The following DCC variants were observed in gnomAD, a reference collection of about 807,000 sequenced individuals.
DCC encodes the protein netrin receptor DCC.
In DCC, 58 loss-of-function variants were observed where a neutral mutation model predicts 172.5. The observed-to-expected ratio is 0.34, with a 90% CI of 0.27 to 0.42. The LOEUF is 0.42. DCC is among the 10% of genes least tolerant of loss of function. The pLI is 1.00. For synonymous variants in DCC, 709 were observed against 644.5 expected (o/e 1.10, Z -1.52); for missense variants, 1,740 against 1,791.0 (o/e 0.97, Z 0.51).
intron 2 of DCC, among the ~76,000 whole-genome samples, chr18:52,803,980 T>C (rs548360886): frequency 6.6e-6 from 1 of 152,162 alleles, no homozygotes; most frequent in Non-Finnish European, 1.5e-5. Flanking sequence ...GGCACCAGCA[T>C]GGTGGTGGTG....
intron 5 of DCC, among the ~76,000 whole-genome samples, chr18:53,044,257 CT>C (rs1436596582): frequency 6.6e-6 from 1 of 150,974 alleles, no homozygotes; most frequent in East Asian, 1.9e-4. Flanking sequence ...AAGATAGTCT[CT>C]TTTTTGGTTT....
At chr18:52,597,412 C>T (rs1045381687) in intron 1 of DCC, among the ~76,000 whole-genome samples, 1 of 152,184 alleles carries the variant, frequency 6.6e-6, no homozygotes, top group African/African-American at 2.4e-5. Flanking sequence ...GCAGCCCTGT[C>T]CTGACATTTC....
chr18:53,119,406 G>A (rs965764262), intron 7 of DCC, among the ~76,000 whole-genome samples: 2 of 151,714 alleles, frequency 1.3e-5, no homozygotes, highest in South Asian at 2.1e-4. Flanking sequence ...CTCACCAGCA[G>A]ATAGCATGAG....
chr18:53,091,015 T>C (rs1263107005), intron 7 of DCC, among the ~76,000 whole-genome samples: 4 of 152,016 alleles, frequency 2.6e-5, no homozygotes, highest in African/African-American at 9.7e-5. Context: ...TGGTGCAGAA[T>C]TCCAGCATCA....
Position 53,532,824 on chromosome 18 carries a change from A to G in DCC, c.*2171A>G, listed in dbSNP as rs1414461516. ...TATAGAATGAAGTTGACCAATTAAA[A>G]AAAAAAAAAAAACCTATCATTTTCA... is the stretch of plus-strand genomic sequence containing the variant. On this transcript the variant is annotated 3_prime_UTR_variant, in exon 29 of 29. Transcript: ENST00000442544. 6.7e-6 allele frequency: 1 copy of G among 150,266 alleles called. No homozygotes were observed. The highest frequency in any genetic ancestry group is 2.4e-5 in the African/African-American group (1 of 40,900). The allele number at this position is 150,266 out of a possible 1,614,324, so 9.3% of individuals were successfully genotyped here.
At chr18:53,038,769 C>A (rs996552798) in intron 5 of DCC, among the ~76,000 whole-genome samples, 3 of 151,982 alleles carry the variant, frequency 2.0e-5, no homozygotes, top group African/African-American at 7.2e-5. Context: ...GATTACTCAG[C>A]CTGGGCTCTT....
intron 2 of DCC, among the ~76,000 whole-genome samples, chr18:52,892,912 C>T (rs1460112613): frequency 6.6e-6 from 1 of 151,986 alleles, no homozygotes; most frequent in Non-Finnish European, 1.5e-5. Context: ...ATAGATTTAC[C>T]AGAAGTCTTT....
intron 1 of DCC, among the ~76,000 whole-genome samples, chr18:52,520,321 G>A (rs2031772958): frequency 6.6e-6 from 1 of 152,202 alleles, no homozygotes. Context: ...GCCGAACCCT[G>A]TAGCATAAGT....
chr18:52,950,711 T>C (rs2040627218), intron 5 of DCC, among the ~76,000 whole-genome samples: 1 of 151,246 alleles, frequency 6.6e-6, no homozygotes, highest in Non-Finnish European at 1.5e-5. Context: ...GATCACGAGG[T>C]CAGGAGATCG....
intron 15 of DCC, among the ~76,000 whole-genome samples, chr18:53,351,394 A>G (rs1234736628): frequency 9.1e-5 from 2 of 21,978 alleles, no homozygotes; most frequent in African/African-American, 1.6e-4. Flanking sequence ...GTATATATAT[A>G]TACAGTGTAT....
intron 5 of DCC, among the ~76,000 whole-genome samples, chr18:52,927,580 G>C (rs17482112): frequency 6.6e-6 from 1 of 151,712 alleles, no homozygotes; most frequent in African/African-American, 2.4e-5. Context: ...CAGATGATTA[G>C]TCTCTATTAC....
chr18:53,045,194 G>A (rs1183598876), intron 5 of DCC, among the ~76,000 whole-genome samples: 2 of 151,810 alleles, frequency 1.3e-5, no homozygotes, highest in Non-Finnish European at 1.5e-5. Flanking sequence ...GAATGAGAAG[G>A]TATAGAAAGG....
intron 1 of DCC, among the ~76,000 whole-genome samples, chr18:52,637,425 A>C (rs1304920402): frequency 6.6e-6 from 1 of 152,162 alleles, no homozygotes; most frequent in Non-Finnish European, 1.5e-5. Flanking sequence ...TGATACCAGA[A>C]GTGAAGGGAG....
intron 26 of DCC, among the ~76,000 whole-genome samples, chr18:53,495,838 C>A (rs539543621): frequency 3.3e-5 from 5 of 152,268 alleles, no homozygotes; most frequent in Admixed American, 1.3e-4. Flanking sequence ...TTGCTCTAAT[C>A]CTCTCACTTT....
At chr18:52,639,284 A>C (rs9953009) in intron 1 of DCC, among the ~76,000 whole-genome samples, 144,275 of 152,062 alleles carry the variant, frequency 0.95, 68,941 homozygotes, top group East Asian at 1. Context: ...AACCCAAATC[A>C]AGCAGAAGAG....
At chr18:53,206,782 A>C (rs2144556291) in intron 10 of DCC, among the ~76,000 whole-genome samples, 1 of 151,444 alleles carries the variant, frequency 6.6e-6, no homozygotes, top group East Asian at 1.9e-4. Flanking sequence ...AATTGGCCCC[A>C]GGATATGGGA....
chr18:53,267,277 C>A (rs1299109097), intron 12 of DCC, among the ~76,000 whole-genome samples: 2 of 152,024 alleles, frequency 1.3e-5, no homozygotes, highest in African/African-American at 4.8e-5. Context: ...ACCTCTACCT[C>A]CTAGGTTCAA....
rs892012866 is a variant in DCC, at chr18:53,410,703, T to C, written c.3130+57T>C. 6.3e-6 allele frequency: 7 copies of C among 1,108,852 alleles called. No homozygotes were observed. In the African/African-American group the frequency reaches 1.1e-4, roughly 17 times the overall value. The allele number at this position is 1,108,852 out of a possible 1,614,324, so 68.7% of individuals were successfully genotyped here. On this transcript the variant is annotated intron_variant, in intron 20 of 28. Transcript: ENST00000442544. ...TCCTGTGGGATTGTTATAAAATAGC[T>C]TTGCACTCTGTGTTAGAAATGGCCC...
intron 3 of DCC, among the ~76,000 whole-genome samples, chr18:52,919,425 C>G (rs982162441): frequency 6.6e-6 from 1 of 152,146 alleles, no homozygotes; most frequent in African/African-American, 2.4e-5. Context: ...ACTATTTGAA[C>G]TTATCAAATG....
Sources: allele counts gnomAD v4.1 joint callset (sites outside exome capture counted in the v4.1 genomes callset), GRCh38; gene constraint gnomAD v4.1.1; transcripts MANE v1.5; gene names NCBI Gene and HGNC (gene_info 2026-07-23, HGNC 2026-07-21).